The following MBD5 variants were observed in gnomAD, a reference collection of about 807,000 sequenced individuals.
MBD5 encodes the protein methyl-CpG binding domain protein 5.
A neutral mutation model predicts 117.3 loss-of-function variants in MBD5; 13 were observed. The observed-to-expected ratio is 0.11, with a 90% CI of 0.07 to 0.18. The LOEUF is 0.18. Ranked by LOEUF, MBD5 falls within the 10% of genes least tolerant of loss-of-function variation. The pLI, the probability that MBD5 is intolerant of heterozygous loss-of-function variation, is 1.00. For missense variants in MBD5, 1,879 were observed against 2,093.8 expected (o/e 0.90, Z 2.00); for synonymous variants, 727 against 766.4 (o/e 0.95, Z 0.85).
chr2:148,076,304 T>A (rs905499208), intron 1 of MBD5, among the ~76,000 whole-genome samples: 8 of 152,124 alleles, frequency 5.3e-5, no homozygotes, highest in Non-Finnish European at 1.2e-4. Context: ...GCAATAATGA[T>A]TGGTAGTATA....
At chr2:148,147,579 T>A (rs1261715511) in intron 1 of MBD5, among the ~76,000 whole-genome samples, 2 of 152,180 alleles carry the variant, frequency 1.3e-5, no homozygotes, top group Non-Finnish European at 2.9e-5. Context: ...CTGTCAACTC[T>A]AAAAATTAGA....
intron 1 of MBD5, among the ~76,000 whole-genome samples, chr2:148,107,668 ATT>A (rs895835616): frequency 6.6e-6 from 1 of 150,932 alleles, no homozygotes; most frequent in Non-Finnish European, 1.5e-5. Flanking sequence ...ATTTTTAGAA[ATT>A]TTTTTTTGAG....
intron 1 of MBD5, among the ~76,000 whole-genome samples, chr2:148,153,834 C>T (rs1697768529): frequency 2.1e-5 from 2 of 93,438 alleles, no homozygotes; most frequent in Admixed American, 1.4e-4. Flanking sequence ...TCTAGTTATA[C>T]ATTCTTCTAA....
At chr2:148,367,631 GA>G (rs1246117046) in intron 4 of MBD5, among the ~76,000 whole-genome samples, 2 of 151,980 alleles carry the variant, frequency 1.3e-5, no homozygotes, top group African/African-American at 2.4e-5. Context: ...AAATTTACAA[GA>G]AAAAAACAAA....
At chr2:148,171,014 G>C (rs1320473646) in intron 1 of MBD5, among the ~76,000 whole-genome samples, 1 of 152,120 alleles carries the variant, frequency 6.6e-6, no homozygotes, top group Non-Finnish European at 1.5e-5. Context: ...TCAAAGAAAA[G>C]CCCAGGACCT....
Position 148,214,690 on chromosome 2 carries a change from T to G in MBD5, c.-830-18555T>G, listed in dbSNP as rs368540341. Among the ~76,000 whole-genome samples, 11 of 152,322 alleles carry G rather than the reference T, an allele frequency of 7.2e-5. No homozygotes were observed. In the East Asian group the frequency reaches 1.2e-3, roughly 16 times the overall value. On this transcript the variant is annotated intron_variant, in intron 2 of 13. Coordinates refer to ENST00000642680, the MANE Select transcript of MBD5 (RefSeq NM_001378120.1). ...TCTACCCCATGTCACAAGTAGATTATGGAAGTAAATAAAAAGAAATTTCAA... is the reference window on the plus strand; with the variant it reads ...TCTACCCCATGTCACAAGTAGATTAGGGAAGTAAATAAAAAGAAATTTCAA...
intron 2 of MBD5, among the ~76,000 whole-genome samples, chr2:148,191,038 A>G (rs1489169474): frequency 6.7e-6 from 1 of 148,536 alleles, no homozygotes. Context: ...AAAGGGATCA[A>G]TTCAACAAGA....
At chr2:148,044,096 A>T (rs544676497) in intron 1 of MBD5, among the ~76,000 whole-genome samples, 1 of 152,338 alleles carries the variant, frequency 6.6e-6, no homozygotes, top group South Asian at 2.1e-4. Flanking sequence ...TATCTGAATA[A>T]AGCTTATTTG....
chr2:148,296,864 ATTTTT>A (rs757371602), intron 3 of MBD5, among the ~76,000 whole-genome samples: 5 of 61,310 alleles, frequency 8.2e-5, no homozygotes, highest in Non-Finnish European at 1.2e-4. Context: ...TAGTTCTTCA[ATTTTT>A]TTTTTTTTTT....
At chr2:148,405,064 T>G (rs1330972414) in intron 4 of MBD5, among the ~76,000 whole-genome samples, 1 of 152,208 alleles carries the variant, frequency 6.6e-6, no homozygotes, top group East Asian at 1.9e-4. Flanking sequence ...GTCACATAGC[T>G]TTTCATTTCC....
intron 3 of MBD5, among the ~76,000 whole-genome samples, chr2:148,340,672 C>T (rs576909732): frequency 7.1e-4 from 108 of 151,912 alleles, no homozygotes; most frequent in Non-Finnish European, 1.3e-3. Flanking sequence ...CAAGTTTCTG[C>T]CTTTTGAAGC....
chr2:148,451,720 A>G (rs1211736574), intron 4 of MBD5, among the ~76,000 whole-genome samples: 1 of 152,212 alleles, frequency 6.6e-6, no homozygotes, highest in Admixed American at 6.5e-5. Context: ...GAATATAAAC[A>G]TAAAGGCGGG....
intron 1 of MBD5, among the ~76,000 whole-genome samples, chr2:148,154,005 G>A (rs1427740732): frequency 8.4e-6 from 1 of 119,040 alleles, no homozygotes; most frequent in Non-Finnish European, 1.8e-5. Flanking sequence ...CTTTGGAGGA[G>A]GAGAGGCGCT....
At chr2:148,432,149 C>CT (rs1252968442) in intron 4 of MBD5, among the ~76,000 whole-genome samples, 2 of 151,998 alleles carry the variant, frequency 1.3e-5, no homozygotes, top group Admixed American at 6.6e-5. Flanking sequence ...TTTTCATGTG[C>CT]TTGTTGGCTG....
intron 3 of MBD5, among the ~76,000 whole-genome samples, chr2:148,244,675 C>T (rs1267434982): frequency 6.6e-6 from 1 of 152,150 alleles, no homozygotes; most frequent in Non-Finnish European, 1.5e-5. Flanking sequence ...GCACTGGTGA[C>T]ACAGCAATAA....
At chr2:148,060,438 T>A (rs1695005607) in intron 1 of MBD5, among the ~76,000 whole-genome samples, 1 of 152,194 alleles carries the variant, frequency 6.6e-6, no homozygotes, top group Admixed American at 6.5e-5. Flanking sequence ...ATTTTCACCA[T>A]GTTTCCTTAC....
At chr2:148,262,919 G>A (rs1558996224) in intron 3 of MBD5, among the ~76,000 whole-genome samples, 1 of 152,148 alleles carries the variant, frequency 6.6e-6, no homozygotes, top group Non-Finnish European at 1.5e-5. Flanking sequence ...AAGCATGGAT[G>A]TTAGTCTGAT....
chr2:148,112,065 A>G (rs527919808), intron 1 of MBD5, among the ~76,000 whole-genome samples: 1 of 152,224 alleles, frequency 6.6e-6, no homozygotes, highest in South Asian at 2.1e-4. Context: ...ACAACTGTAC[A>G]TATACACAAA....
intron 2 of MBD5, among the ~76,000 whole-genome samples, chr2:148,222,130 A>T (rs1699700385): frequency 6.6e-6 from 1 of 152,028 alleles, no homozygotes. Flanking sequence ...GTGTGTTTTT[A>T]TGTCAGTGCC....
Sources: allele counts gnomAD v4.1 joint callset (sites outside exome capture counted in the v4.1 genomes callset), GRCh38; gene constraint gnomAD v4.1.1; transcripts MANE v1.5; gene names NCBI Gene and HGNC (gene_info 2026-07-23, HGNC 2026-07-21).